PTPRD: variants seen among roughly 807,000 people sequenced by gnomAD.
The protein encoded by PTPRD is protein tyrosine phosphatase receptor type D.
Under a neutral mutation model 214.5 loss-of-function variants are expected in PTPRD, and 34 were observed. That is an observed-to-expected ratio of 0.16 (90% CI 0.12 to 0.21). The LOEUF is 0.21. Among genes scored for constraint, PTPRD ranks in the 10% least tolerant of loss-of-function variants. PTPRD has a pLI of 1.00. For synonymous variants in PTPRD, 1,128 were observed against 845.7 expected, an observed-to-expected ratio of 1.33 and a Z score of -5.79; for missense variants, 2,545 against 2,398.7, an observed-to-expected ratio of 1.06 and a Z score of -1.27.
chr9:8,430,268 A>ATT (rs146333426), intron 35 of PTPRD, among the ~76,000 whole-genome samples: 30 of 147,388 alleles, frequency 2.0e-4, no homozygotes, highest in South Asian at 6.5e-4. Flanking sequence ...AATTTTTTTT[A>ATT]TTTTTTTTTT....
At chr9:9,965,925 A>G (rs1442317147) in intron 4 of PTPRD, among the ~76,000 whole-genome samples, 2 of 152,230 alleles carry the variant, frequency 1.3e-5, no homozygotes, top group African/African-American at 2.4e-5. Context: ...ATGATTTAAC[A>G]TATCAACAGA....
At position 9,298,297 on chromosome 9, in the gene PTPRD, A is replaced by T. The variant is rs1184528163; in HGVS notation, c.-203+99152T>A. Among the ~76,000 whole-genome samples the T allele has an allele frequency of 2.6e-5, 4 of 151,684 alleles. No individual in the cohort carries two copies. In the East Asian group the frequency reaches 5.8e-4, roughly 22 times the overall value. ...CTCCATGGCATCACACAAAATTTTA[A>T]ACATCCTTTGTACATGAAAAGATTT... On this transcript the variant is annotated intron_variant, in intron 9 of 45. Transcript: ENST00000381196.
At chr9:9,691,932 C>A (rs1296452961) in intron 7 of PTPRD, among the ~76,000 whole-genome samples, 1 of 151,904 alleles carries the variant, frequency 6.6e-6, no homozygotes, top group Non-Finnish European at 1.5e-5. Context: ...CTTCTGGGAA[C>A]TGTCTATTGA....
intron 35 of PTPRD, among the ~76,000 whole-genome samples, chr9:8,434,633 A>T (rs1168396685): frequency 6.6e-6 from 1 of 152,212 alleles, no homozygotes; most frequent in African/African-American, 2.4e-5. Context: ...ATAACTTATA[A>T]TCAAAAATAA....
chr9:9,688,247 A>G (rs960330805), intron 7 of PTPRD, among the ~76,000 whole-genome samples: 2 of 151,862 alleles, frequency 1.3e-5, no homozygotes, highest in African/African-American at 4.8e-5. Flanking sequence ...GCCTTTTAAA[A>G]CCAAAATCCT....
At chr9:9,578,554 T>C (rs1439637528) in intron 7 of PTPRD, among the ~76,000 whole-genome samples, 2 of 152,066 alleles carry the variant, frequency 1.3e-5, no homozygotes, top group Admixed American at 1.3e-4. Context: ...CAATAATAAT[T>C]TTAAATAATT....
At chr9:9,580,543 TTTTC>T (rs2090438445) in intron 7 of PTPRD, among the ~76,000 whole-genome samples, 1 of 143,900 alleles carries the variant, frequency 6.9e-6, no homozygotes, top group Non-Finnish European at 1.5e-5. Flanking sequence ...GCTTACTTTA[TTTTC>T]TTTTTTTTTT....
At chr9:9,794,303 T>C (rs2098987707) in intron 5 of PTPRD, among the ~76,000 whole-genome samples, 1 of 151,790 alleles carries the variant, frequency 6.6e-6, no homozygotes, top group Non-Finnish European at 1.5e-5. Context: ...CCATGGAAGG[T>C]GTTACCAAGA....
intron 34 of PTPRD, among the ~76,000 whole-genome samples, chr9:8,439,990 A>C (rs2095493988): frequency 1.7e-5 from 2 of 119,868 alleles, no homozygotes; most frequent in African/African-American, 6.3e-5. Context: ...CAGACCAATT[A>C]ATTCAGGTCT....
chr9:8,799,538 T>G (rs2096528679), intron 11 of PTPRD, among the ~76,000 whole-genome samples: 1 of 152,198 alleles, frequency 6.6e-6, no homozygotes, highest in African/African-American at 2.4e-5. Context: ...AGTGTTACCT[T>G]GCAGATTCCT....
chr9:8,779,611 C>T (rs1011493865), intron 11 of PTPRD, among the ~76,000 whole-genome samples: 3 of 152,176 alleles, frequency 2.0e-5, no homozygotes, highest in African/African-American at 7.2e-5. Context: ...CCCTGCTCCT[C>T]TCTCCCTCAC....
At chr9:9,453,024 T>TTG (rs1555424228) in intron 8 of PTPRD, among the ~76,000 whole-genome samples, 1 of 150,550 alleles carries the variant, frequency 6.6e-6, no homozygotes, top group East Asian at 2.0e-4. Flanking sequence ...TATTTTATTT[T>TTG]TTTTTTTTGC....
At chr9:9,670,478 G>A (rs1480776428) in intron 7 of PTPRD, among the ~76,000 whole-genome samples, 1 of 152,292 alleles carries the variant, frequency 6.6e-6, no homozygotes, top group East Asian at 1.9e-4. Context: ...CAAGTAACAA[G>A]GAACCAAATG....
intron 10 of PTPRD, among the ~76,000 whole-genome samples, chr9:9,138,335 C>A (rs1282557569): frequency 6.6e-6 from 1 of 151,976 alleles, no homozygotes; most frequent in Non-Finnish European, 1.5e-5. Context: ...CATGAAATAG[C>A]TTATGTACCT....
At chr9:10,413,066 C>A (rs1295256655) in intron 2 of PTPRD, among the ~76,000 whole-genome samples, 1 of 151,888 alleles carries the variant, frequency 6.6e-6, no homozygotes, top group East Asian at 1.9e-4. Flanking sequence ...ACAAGGATGT[C>A]CTCTCTCACC....
chr9:10,191,215 G>A (rs2099362346), intron 3 of PTPRD, among the ~76,000 whole-genome samples: 1 of 151,900 alleles, frequency 6.6e-6, no homozygotes, highest in African/African-American at 2.4e-5. Context: ...CAAAAAGTTA[G>A]GGGTAAATTA....
Position 9,780,448 on chromosome 9 carries a change from T to C in PTPRD, c.-367-13597A>G, listed in dbSNP as rs570946732. ...CCAATTTTCAAATGGGCAAAGCATC[T>C]GAACAGACATCTCACCAAAGAAGAT... On this transcript the variant is annotated intron_variant, in intron 5 of 45. Coordinates refer to ENST00000381196, the MANE Select transcript of PTPRD (RefSeq NM_002839.4). Among the ~76,000 whole-genome samples the C allele has an allele frequency of 2.0e-5, 3 of 152,280 alleles. No individual in the cohort carries two copies. The South Asian group carries it at 6.2e-4, about 32-fold the overall frequency.
chr9:9,720,015 G>C (rs2154431856), intron 7 of PTPRD, among the ~76,000 whole-genome samples: 2 of 152,218 alleles, frequency 1.3e-5, no homozygotes, highest in African/African-American at 4.8e-5. Context: ...CTCACCCTTG[G>C]CAGGCATGGG....
intron 32 of PTPRD, among the ~76,000 whole-genome samples, chr9:8,461,778 A>T (rs760664236): frequency 3.9e-5 from 6 of 151,970 alleles, no homozygotes; most frequent in Non-Finnish European, 8.8e-5. Context: ...TGAGTTAATT[A>T]TCTCTGACTC....
Sources: allele counts gnomAD v4.1 joint callset (sites outside exome capture counted in the v4.1 genomes callset), GRCh38; gene constraint gnomAD v4.1.1; transcripts MANE v1.5; gene names NCBI Gene and HGNC (gene_info 2026-07-23, HGNC 2026-07-21).